Variants in COX10 observed in about 807,000 individuals in gnomAD.
COX10 encodes cytochrome c oxidase assembly factor heme A:farnesyltransferase COX10, also known as protoheme IX farnesyltransferase, mitochondrial.
A neutral mutation model predicts 37.3 loss-of-function variants in COX10; 27 were observed. The ratio of observed to expected loss-of-function variants is 0.72; its 90% CI spans 0.53 to 1.00. The LOEUF is 1.00. Ranked by LOEUF, COX10 falls within the 50% of genes least tolerant of loss-of-function variation. The pLI, the probability that COX10 is intolerant of heterozygous loss-of-function variation, is 0.00. For synonymous variants in COX10, 222 were observed against 229.1 expected (o/e 0.97, Z 0.28); for missense variants, 475 against 563.2 (o/e 0.84, Z 1.59).
chr17:14,129,232 G>C (rs1916411535), intron 4 of COX10, among the ~76,000 whole-genome samples: 1 of 149,126 alleles, frequency 6.7e-6, no homozygotes, highest in African/African-American at 2.5e-5. Flanking sequence ...TAGATATATT[G>C]TGTTTAAATT....
chr17:14,145,654 T>C (rs79098450), intron 4 of COX10, among the ~76,000 whole-genome samples: 3,237 of 152,194 alleles, frequency 0.021, 122 homozygotes, highest in African/African-American at 0.074. Context: ...CTTTATTCCT[T>C]GGACAGTGGA....
intron 6 of COX10, among the ~76,000 whole-genome samples, chr17:14,204,032 G>T (rs1906623421): frequency 6.6e-6 from 1 of 152,136 alleles, no homozygotes; most frequent in Non-Finnish European, 1.5e-5. Flanking sequence ...TCCCAAGCCG[G>T]TGTTGGGAAA....
chr17:14,202,584 C>G (rs1032453373), intron 6 of COX10, among the ~76,000 whole-genome samples: 1 of 152,038 alleles, frequency 6.6e-6, no homozygotes, highest in Non-Finnish European at 1.5e-5. Context: ...CTGCCTGGCA[C>G]GTAAAAGCCA....
intron 4 of COX10, among the ~76,000 whole-genome samples, chr17:14,157,695 C>T (rs1905071487): frequency 6.6e-6 from 1 of 152,158 alleles, no homozygotes; most frequent in Non-Finnish European, 1.5e-5. Flanking sequence ...TCTCATGCAG[C>T]CATGGCCTCA....
intron 6 of COX10, among the ~76,000 whole-genome samples, chr17:14,202,854 C>T (rs1004414619): frequency 6.6e-5 from 10 of 152,056 alleles, no homozygotes; most frequent in African/African-American, 2.4e-4. Context: ...TCACTCCAGC[C>T]TCCATGCTGT....
intron 3 of COX10, among the ~76,000 whole-genome samples, chr17:14,095,332 C>T (rs950621735): frequency 6.6e-6 from 1 of 152,108 alleles, no homozygotes; most frequent in Non-Finnish European, 1.5e-5. Context: ...TAATGAAGCC[C>T]TTTGTCACCA....
intron 4 of COX10, among the ~76,000 whole-genome samples, chr17:14,154,887 G>GA (rs1555538195): frequency 2.0e-5 from 3 of 152,184 alleles, no homozygotes; most frequent in Non-Finnish European, 4.4e-5. Flanking sequence ...AGATAGTGGC[G>GA]AGTGTGACCA....
intron 6 of COX10, among the ~76,000 whole-genome samples, 178 bp from the exon 7 acceptor site, chr17:14,206,632 G>T (rs756155508): frequency 1.4e-4 from 22 of 152,146 alleles, no homozygotes; most frequent in Non-Finnish European, 2.4e-4. Flanking sequence ...TGCCCCACCA[G>T]CCTGATGTAG....
At chr17:14,168,730 G>A (rs1294256162) in intron 5 of COX10, among the ~76,000 whole-genome samples, 5 of 152,120 alleles carry the variant, frequency 3.3e-5, no homozygotes, top group South Asian at 2.1e-4. Flanking sequence ...GAGCTGGAAC[G>A]GCTGGGAAAC....
At position 14,169,285 on chromosome 17, in the gene COX10, A is replaced by G. The variant is rs139769202; in HGVS notation, c.695+9338A>G. Among the ~76,000 whole-genome samples the G allele has an allele frequency of 4.4e-3, 666 of 152,298 alleles. 4 individuals are homozygous for G. The highest frequency in any genetic ancestry group is 8.2e-3 in the Non-Finnish European group (558 of 68,018). ...AATTTCCTTGTCTCCATCTGAGACC[A>G]CCTTAGCCTGGACTTCATTGTCTGT... On this transcript the variant is annotated intron_variant, in intron 5 of 6. Transcript: ENST00000261643.
chr17:14,177,045 C>T (rs976703244), intron 5 of COX10: 2 of 389,546 alleles, frequency 5.1e-6, no homozygotes, highest in South Asian at 1.3e-4. Flanking sequence ...ATGACATTGT[C>T]ATTTGTTTCA....
chr17:14,120,166 G>T (rs1457353439), intron 4 of COX10, among the ~76,000 whole-genome samples: 1 of 152,178 alleles, frequency 6.6e-6, no homozygotes, highest in Non-Finnish European at 1.5e-5. Context: ...GCGGACCTAG[G>T]TTTGGTGGAA....
At position 14,133,980 on chromosome 17, in the gene COX10, C is replaced by G. The variant is rs1051777503; in HGVS notation, c.625-25897C>G. 5.9e-5 allele frequency among the ~76,000 whole-genome samples: 9 copies of G among 151,392 alleles called. 1 individual carries two copies. The South Asian group carries it at 8.3e-4, about 14-fold the overall frequency. On this transcript the variant is annotated intron_variant, in intron 4 of 6. Transcript: ENST00000261643. ...GATGGATGACTTTTACTAAGAGGAA[C>G]CCTGGTATTCGTAATGGTTATTTGA...
chr17:14,129,297 A>G lies in COX10; in HGVS notation c.624+27055A>G, dbSNP rs574226127. Among the ~76,000 whole-genome samples, 13 of 152,002 alleles carry G rather than the reference A, an allele frequency of 8.6e-5. 1 individual carries two copies. The South Asian group carries it at 2.5e-3, about 29-fold the overall frequency. ...TTACTGAAATAACACTTTATATTTCAAAATATATAAATATGTAAATGTATA... is the reference window on the plus strand; with the variant it reads ...TTACTGAAATAACACTTTATATTTCGAAATATATAAATATGTAAATGTATA... On this transcript the variant is annotated intron_variant, in intron 4 of 6. Transcript: ENST00000261643.
At chr17:14,205,472 C>G (rs9901549) in intron 6 of COX10, among the ~76,000 whole-genome samples, 107,456 of 152,158 alleles carry the variant, frequency 0.71, 38,722 homozygotes, top group Non-Finnish European at 0.79. Context: ...TGATGTCTAC[C>G]TCCTTGACTG....
intron 5 of COX10, among the ~76,000 whole-genome samples, chr17:14,178,349 C>T (rs1362651250): frequency 2.0e-5 from 2 of 100,192 alleles, no homozygotes; most frequent in African/African-American, 5.8e-5. Flanking sequence ...GGAATGTTTC[C>T]AGGGGTCCTT....
intron 6 of COX10, among the ~76,000 whole-genome samples, chr17:14,194,738 TTAA>T (rs1370497117): frequency 1.3e-5 from 2 of 152,218 alleles, no homozygotes; most frequent in Non-Finnish European, 2.9e-5. Context: ...AATAAATTTT[TTAA>T]TGTTGATTAT....
At chr17:14,189,890 G>A (rs187237066) in intron 5 of COX10, among the ~76,000 whole-genome samples, 211 of 152,288 alleles carry the variant, frequency 1.4e-3, no homozygotes, top group African/African-American at 3.8e-3. Context: ...AGCAAGAGGG[G>A]TATTACCTTG....
At chr17:14,132,528 A>G (rs563566010) in intron 4 of COX10, among the ~76,000 whole-genome samples, 2 of 151,878 alleles carry the variant, frequency 1.3e-5, no homozygotes, top group East Asian at 1.9e-4. Flanking sequence ...AATAATTTGT[A>G]TTTTTAAATT....
Sources: allele counts gnomAD v4.1 joint callset (sites outside exome capture counted in the v4.1 genomes callset), GRCh38; gene constraint gnomAD v4.1.1; transcripts MANE v1.5; gene names NCBI Gene and HGNC (gene_info 2026-07-23, HGNC 2026-07-21).